Variants in SCUBE2 observed in about 807,000 individuals in gnomAD.
SCUBE2 encodes signal peptide, CUB domain and EGF like domain containing 2.
SCUBE2 carries 114 observed loss-of-function variants against 125.9 expected under a neutral mutation model. That is an observed-to-expected ratio of 0.91 (90% CI 0.78 to 1.06). SCUBE2 has a LOEUF of 1.06. Ranked by LOEUF, SCUBE2 falls within the 50% of genes least tolerant of loss-of-function variation. The pLI, the probability that SCUBE2 is intolerant of heterozygous loss-of-function variation, is 0.00. For synonymous variants in SCUBE2, 459 were observed against 492.9 expected (o/e 0.93, Z 0.91); for missense variants, 1,255 against 1,301.8 (o/e 0.96, Z 0.55).
intron 21 of SCUBE2, chr11:9,024,386 G>C (rs770399849): frequency 7.8e-6 from 10 of 1,288,260 alleles, no homozygotes; most frequent in Non-Finnish European, 1.0e-5. Flanking sequence ...CCTTGTCTTG[G>C]GTGTTTGTTT....
intron 5 of SCUBE2, among the ~76,000 whole-genome samples, chr11:9,067,058 G>A (rs1406703856): frequency 6.6e-6 from 1 of 152,174 alleles, no homozygotes; most frequent in Non-Finnish European, 1.5e-5. Flanking sequence ...GGAAGAGGGA[G>A]ATGGGAGAGT....
intron 16 of SCUBE2, among the ~76,000 whole-genome samples, chr11:9,036,931 T>A (rs1471471333): frequency 6.6e-6 from 1 of 152,234 alleles, no homozygotes. Context: ...TTCCTCACAA[T>A]GAAAGGCCTG....
intron 9 of SCUBE2, among the ~76,000 whole-genome samples, chr11:9,058,607 A>G (rs1256862584): frequency 1.2e-5 from 1 of 86,342 alleles, no homozygotes; most frequent in African/African-American, 5.2e-5. Flanking sequence ...AAAAAAAAAA[A>G]AAAAAAAAAA....
chr11:9,078,343 C>G (rs558283603), intron 3 of SCUBE2, among the ~76,000 whole-genome samples: 26 of 152,302 alleles, frequency 1.7e-4, no homozygotes, highest in Admixed American at 1.5e-3. Flanking sequence ...AGGGCACCAA[C>G]AGGAAATAAC....
intron 16 of SCUBE2, among the ~76,000 whole-genome samples, chr11:9,038,173 C>T (rs1856898049): frequency 6.6e-6 from 1 of 151,908 alleles, no homozygotes; most frequent in Non-Finnish European, 1.5e-5. Context: ...AATAAATGAG[C>T]AATAAATCTC....
chr11:9,074,698 G>A, intron 3 of SCUBE2, 83 bp from the exon 4 acceptor site: 1 of 1,503,234 alleles, frequency 6.7e-7, no homozygotes, highest in Non-Finnish European at 9.2e-7. Flanking sequence ...GCCCTGCTAA[G>A]CAAAGATGAG....
At chr11:9,079,245 A>T in intron 3 of SCUBE2, 139 bp downstream of exon 3, 1 of 841,632 alleles carries the variant, frequency 1.2e-6, no homozygotes, top group Non-Finnish European at 1.8e-6. Flanking sequence ...CTCATTTTCT[A>T]TCACGGAGTC....
At chr11:9,060,194 C>T (rs552492071) in intron 8 of SCUBE2, among the ~76,000 whole-genome samples, 30 of 152,354 alleles carry the variant, frequency 2.0e-4, no homozygotes, top group Non-Finnish European at 4.0e-4. Context: ...ACCTCCTCAA[C>T]AATTAGTGTA....
At chr11:9,081,561 T>C (rs1295183014) in intron 2 of SCUBE2, among the ~76,000 whole-genome samples, 2 of 152,144 alleles carry the variant, frequency 1.3e-5, no homozygotes, top group Non-Finnish European at 2.9e-5. Context: ...ATATCATGCC[T>C]GTAATCTCAG....
Position 9,069,478 on chromosome 11 carries a change from T to G in SCUBE2, c.535A>C (p.Asn179His). 6.2e-7 allele frequency: 1 copy of G among 1,614,228 alleles called. No homozygotes were observed. Among genetic ancestry groups the G allele is most frequent in the Non-Finnish European group, 8.5e-7 (1 of 1,180,016 alleles). Residue 179 changes from asparagine (N) to histidine (H), a missense_variant, in exon 5 of 23, where the codon AAT becomes CAT. By Grantham distance (68) the Asn-to-His change is moderately conservative. Coordinates refer to ENST00000649792, the MANE Select transcript of SCUBE2 (RefSeq NM_001367977.2). The stretch of plus-strand genomic sequence containing the variant: ...ATGTGACTACAGCCGTGATCCTTAT[T>G]CATGCAGCTCAGGCCCTCTGAAAAA... The part of the protein sequence containing the change: ...HRSEEGLSCM[N>H]KDHGCSHICK...
rs1246313815 is a variant in SCUBE2 at position 9,045,017 on chromosome 11, G to A, written c.2002+2339C>T. 2.0e-5 allele frequency among the ~76,000 whole-genome samples: 3 copies of A among 152,096 alleles called. No individual in the cohort carries two copies. The East Asian group carries it at 5.8e-4, about 29-fold the overall frequency. Reference sequence around the variant, plus strand: ...GCTCTCCATATCCCTGTCGCCCTCTGCTACATGATAGTAGTATCTTTCCTC... The same window carrying A: ...GCTCTCCATATCCCTGTCGCCCTCTACTACATGATAGTAGTATCTTTCCTC... On this transcript the variant is annotated intron_variant, in intron 16 of 22. Coordinates refer to ENST00000649792, the MANE Select transcript of SCUBE2 (RefSeq NM_001367977.2).
intron 7 of SCUBE2, among the ~76,000 whole-genome samples, chr11:9,061,480 G>A (rs1437935187): frequency 6.6e-6 from 1 of 151,472 alleles, no homozygotes; most frequent in Non-Finnish European, 1.5e-5. Context: ...GATCACTTGA[G>A]CCCAGGAGGT....
intron 1 of SCUBE2, chr11:9,090,485 A>ATTTTTTTTT (rs71452502): frequency 1.7e-5 from 1 of 59,674 alleles, no homozygotes; most frequent in African/African-American, 3.4e-5. Flanking sequence ...TTATTTATTT[A>ATTTTTTTTT]TTTATTTTTT....
chr11:9,084,537 A>T (rs897178536), intron 2 of SCUBE2, among the ~76,000 whole-genome samples: 3 of 151,458 alleles, frequency 2.0e-5, no homozygotes, highest in African/African-American at 4.9e-5. Flanking sequence ...GGGAAAAAAA[A>T]ATATATAGTA....
rs745788958 is a variant in SCUBE2, at chr11:9,025,739, G to A, written c.2817C>T (p.Ser939=). Reference sequence around the variant, plus strand: ...CGTATGGGACCTGGAACCCTCTAGCGCTGTTCCCTTCATTGGACTTGAACT... The same window carrying A: ...CGTATGGGACCTGGAACCCTCTAGCACTGTTCCCTTCATTGGACTTGAACT... ...WIQFKSNEGN[S]ARGFQVPYVT... The change falls in exon 21 of 23, where the codon AGC becomes AGT. Residue 939 remains serine, a synonymous_variant. Coordinates refer to ENST00000649792, the MANE Select transcript of SCUBE2 (RefSeq NM_001367977.2). 1.5e-5 allele frequency: 25 copies of A among 1,614,026 alleles called. No individual in the cohort carries two copies. Among genetic ancestry groups the A allele is most frequent in the Middle Eastern group, 1.6e-4 (1 of 6,084 alleles).
At chr11:9,052,595 G>T (rs2135461129) in intron 13 of SCUBE2, 151 bp downstream of exon 13, 2 of 577,790 alleles carry the variant, frequency 3.5e-6, no homozygotes, top group Middle Eastern at 5.5e-4. Flanking sequence ...CGGGCACCAG[G>T]ACTGCAGGCA....
At chr11:9,042,936 G>C (rs1267345323) in intron 16 of SCUBE2, among the ~76,000 whole-genome samples, 1 of 152,152 alleles carries the variant, frequency 6.6e-6, no homozygotes, top group South Asian at 2.1e-4. Flanking sequence ...AAAGCCCCCA[G>C]ATTGGTCTTT....
intron 21 of SCUBE2, chr11:9,024,138 CCA>C (rs1855534539): frequency 1.1e-6 from 1 of 933,140 alleles, no homozygotes; most frequent in Non-Finnish European, 1.3e-6. Context: ...GTAATTTTCC[CCA>C]GTTGGAGCTA....
intron 14 of SCUBE2, among the ~76,000 whole-genome samples, chr11:9,048,515 G>C (rs1858028170): frequency 1.3e-5 from 2 of 152,204 alleles, no homozygotes; most frequent in Admixed American, 6.5e-5. Flanking sequence ...CACAAGAGTG[G>C]AAAGGAAACC....
Sources: gnomAD v4.1 joint callset for allele counts (sites outside exome capture counted in the v4.1 genomes callset) on GRCh38, gnomAD v4.1.1 for gene constraint, MANE v1.5 for transcripts, NCBI Gene and HGNC (gene_info 2026-07-23, HGNC 2026-07-21) for gene names.